The following TRPM3 variants were observed in gnomAD, a reference collection of about 807,000 sequenced individuals.
The protein encoded by TRPM3 is long transient receptor potential channel 3.
Under a neutral mutation model 181.2 loss-of-function variants are expected in TRPM3, and 77 were observed. The observed-to-expected ratio is 0.42, with a 90% confidence interval of 0.35 to 0.51. The LOEUF is 0.51. TRPM3 is among the 20% of genes least tolerant of loss of function. The probability of loss-of-function intolerance (pLI) is 0.01; values close to 1 mark genes in which losing one functional copy is unlikely to be tolerated. For synonymous variants in TRPM3, 745 were observed against 796.4 expected, an observed-to-expected ratio of 0.94 and a Z score of 1.09; for missense variants, 1,759 against 2,196.7, an observed-to-expected ratio of 0.80 and a Z score of 3.98.
chr9:71,327,999 T>C (rs2089821900), intron 1 of TRPM3, among the ~76,000 whole-genome samples: 2 of 151,338 alleles, frequency 1.3e-5, no homozygotes, highest in Admixed American at 1.3e-4. Context: ...AACTGTTCTC[T>C]GGATATCAAA....
chr9:70,858,769 C>T (rs1189492181), intron 3 of TRPM3, among the ~76,000 whole-genome samples: 1 of 151,710 alleles, frequency 6.6e-6, no homozygotes, highest in Non-Finnish European at 1.5e-5. Context: ...AAGGCCAGTG[C>T]TTAGGGTCCA....
At chr9:71,006,870 C>CAAAAAAAAAA (rs35386368) in intron 1 of TRPM3, among the ~76,000 whole-genome samples, 1 of 97,164 alleles carries the variant, frequency 1.0e-5, no homozygotes, top group Non-Finnish European at 2.0e-5. Flanking sequence ...GACTCCGTCT[C>CAAAAAAAAAA]AAAAAAAAAA....
intron 1 of TRPM3, among the ~76,000 whole-genome samples, chr9:71,108,766 G>A (rs2070349163): frequency 6.6e-6 from 1 of 152,160 alleles, no homozygotes; most frequent in African/African-American, 2.4e-5. Flanking sequence ...TCAGTCATTG[G>A]TATTTTAGAG....
intron 1 of TRPM3, among the ~76,000 whole-genome samples, chr9:71,234,203 G>A (rs1003679162): frequency 2.6e-5 from 4 of 152,130 alleles, no homozygotes; most frequent in Admixed American, 6.6e-5. Context: ...CTGCATTCAC[G>A]TCCTTACAAC....
At chr9:71,171,061 C>T (rs1303288055) in intron 1 of TRPM3, among the ~76,000 whole-genome samples, 4 of 152,076 alleles carry the variant, frequency 2.6e-5, no homozygotes, top group South Asian at 2.1e-4. Flanking sequence ...CTCTTATGGT[C>T]GAGACTGCAG....
At chr9:71,212,643 C>G (rs2131807862) in intron 1 of TRPM3, among the ~76,000 whole-genome samples, 1 of 152,264 alleles carries the variant, frequency 6.6e-6, no homozygotes, top group South Asian at 2.1e-4. Context: ...CATAAATGCT[C>G]CTCTTAGAAG....
intron 1 of TRPM3, among the ~76,000 whole-genome samples, chr9:71,300,965 A>G (rs61289254): frequency 0.036 from 5,423 of 152,218 alleles, 340 homozygotes; most frequent in African/African-American, 0.12. Flanking sequence ...TACATATTCA[A>G]TGGCTAATAT....
intron 3 of TRPM3, among the ~76,000 whole-genome samples, chr9:70,855,608 C>T (rs1334873154): frequency 2.0e-5 from 3 of 152,158 alleles, no homozygotes; most frequent in Admixed American, 2.0e-4. Context: ...TAAATCTATT[C>T]TAACAATATT....
intron 6 of TRPM3, among the ~76,000 whole-genome samples, chr9:70,802,811 A>G (rs993722763): frequency 3.9e-5 from 6 of 152,180 alleles, no homozygotes; most frequent in African/African-American, 1.4e-4. Context: ...GCCTAGCTAT[A>G]TATTTAGTAC....
At chr9:71,286,983 A>ATAC (rs2085341405) in intron 1 of TRPM3, among the ~76,000 whole-genome samples, 1 of 141,204 alleles carries the variant, frequency 7.1e-6, no homozygotes, top group South Asian at 2.1e-4. Flanking sequence ...TAATTATATT[A>ATAC]TATAATTATA....
At chr9:70,850,779 A>G (rs113088905) in intron 3 of TRPM3, among the ~76,000 whole-genome samples, 1 of 152,350 alleles carries the variant, frequency 6.6e-6, no homozygotes, top group African/African-American at 2.4e-5. Flanking sequence ...TGGGACTTGC[A>G]AGGCTTCCAA....
At chr9:70,835,570 C>T (rs1005489642) in intron 5 of TRPM3, among the ~76,000 whole-genome samples, 3 of 151,984 alleles carry the variant, frequency 2.0e-5, no homozygotes, top group Non-Finnish European at 2.9e-5. Flanking sequence ...TCTCCTCACA[C>T]CTTTGACCCG....
intron 8 of TRPM3, among the ~76,000 whole-genome samples, chr9:70,687,044 C>T (rs1036699345): frequency 6.6e-6 from 1 of 151,952 alleles, no homozygotes; most frequent in African/African-American, 2.4e-5. Context: ...ATCTGCCCGT[C>T]TTGGCCTCCC....
Position 71,189,801 on chromosome 9 carries a change from A to G in TRPM3, c.183+256852T>C, listed in dbSNP as rs149159574. Among the ~76,000 whole-genome samples, 216 of 151,850 alleles carry G rather than the reference A, an allele frequency of 1.4e-3. 3 individuals are homozygous for G. The highest frequency in any genetic ancestry group is 4.7e-3 in the African/African-American group (193 of 41,474). On this transcript the variant is annotated intron_variant, in intron 1 of 24. Transcript: ENST00000357533. ...AGTCAGCTCTTGCTGTATATATCTT[A>G]TTTGTGTATCTGTCCCCATCCAATG...
intron 1 of TRPM3, among the ~76,000 whole-genome samples, chr9:71,406,536 C>T (rs925562372): frequency 1.8e-4 from 27 of 152,244 alleles, no homozygotes; most frequent in African/African-American, 6.0e-4. Context: ...CATCCACACA[C>T]ACATATGCAG....
chr9:71,225,098 A>G (rs1436613092), intron 1 of TRPM3, among the ~76,000 whole-genome samples: 1 of 152,168 alleles, frequency 6.6e-6, no homozygotes, highest in African/African-American at 2.4e-5. Flanking sequence ...AATATTTAAT[A>G]TTGATACACT....
At position 70,996,847 on chromosome 9, in the gene TRPM3, T is replaced by C. The variant is rs1402570114; in HGVS notation, c.177+124331A>G. On this transcript the variant is annotated intron_variant, in intron 1 of 25. Transcript: ENST00000677713. ...ATTTCTTCAGATCTTATTTGGCTCCTATGAACAGGTAGATGTGGGGAACAC... is the reference window on the plus strand; with the variant it reads ...ATTTCTTCAGATCTTATTTGGCTCCCATGAACAGGTAGATGTGGGGAACAC... Among the ~76,000 whole-genome samples, 12 of 152,342 alleles carry C rather than the reference T, an allele frequency of 7.9e-5. No homozygotes were observed. In the East Asian group the frequency reaches 2.3e-3, roughly 29 times the overall value.
chr9:71,355,182 T>C (rs957206549), intron 1 of TRPM3, among the ~76,000 whole-genome samples: 1 of 152,190 alleles, frequency 6.6e-6, no homozygotes, highest in African/African-American at 2.4e-5. Context: ...TTGAATTACA[T>C]CCTCCAAAAA....
intron 1 of TRPM3, among the ~76,000 whole-genome samples, chr9:70,980,234 T>G (rs1362824): frequency 0.69 from 104,236 of 151,966 alleles, 35,880 homozygotes; most frequent in South Asian, 0.73. Flanking sequence ...CCTCTTTTCA[T>G]TTAGCTAGAA....
Sources: allele counts gnomAD v4.1 joint callset (sites outside exome capture counted in the v4.1 genomes callset), GRCh38; gene constraint gnomAD v4.1.1; transcripts MANE v1.5; gene names NCBI Gene and HGNC (gene_info 2026-07-23, HGNC 2026-07-21).